TOP6BL: variants seen among roughly 807,000 people sequenced by gnomAD.
TOP6BL encodes type 2 DNA topoisomerase 6 subunit B-like.
chr11:66,801,053 A>T, the TOP6BL span: 1 of 1,613,894 alleles, frequency 6.2e-7, no homozygotes, highest in Non-Finnish European at 8.5e-7. Flanking sequence ...ACCCACTTTG[A>T]ACCTTGGGAA....
chr11:66,783,208 G>C, the TOP6BL span, among the ~76,000 whole-genome samples: 2 of 152,030 alleles, frequency 1.3e-5, no homozygotes, highest in Non-Finnish European at 2.9e-5. Flanking sequence ...TTAATATAAA[G>C]AAAAAAGATT....
chr11:66,822,610 T>C, the TOP6BL span: 1 of 1,553,126 alleles, frequency 6.4e-7, no homozygotes, highest in Non-Finnish European at 8.7e-7. Flanking sequence ...GTGAACTCCA[T>C]CATGAGTATT....
chr11:66,797,718 T>A, the TOP6BL span, among the ~76,000 whole-genome samples: 2 of 152,184 alleles, frequency 1.3e-5, no homozygotes, highest in Non-Finnish European at 2.9e-5. Flanking sequence ...TTGGCCAAGC[T>A]GATCTTGAAC....
At chr11:66,816,089 C>G in the TOP6BL span, 1 of 1,604,612 alleles carries the variant, frequency 6.2e-7, no homozygotes, top group Non-Finnish European at 8.5e-7. Context: ...CAGGTGGAAT[C>G]CAGTGAGGAG....
the TOP6BL span, chr11:66,801,049 T>C: frequency 1.9e-6 from 3 of 1,613,954 alleles, no homozygotes; most frequent in Non-Finnish European, 2.5e-6. Context: ...ATGAACCCAC[T>C]TTGAACCTTG....
chr11:66,775,229 T>A, the TOP6BL span, among the ~76,000 whole-genome samples: 5 of 152,210 alleles, frequency 3.3e-5, no homozygotes, highest in South Asian at 1.0e-3. Context: ...ATTGTTTTTG[T>A]GAGATGATAT....
chr11:66,814,080 A>T, the TOP6BL span: 2 of 1,443,770 alleles, frequency 1.4e-6, no homozygotes, highest in Admixed American at 3.7e-5. Flanking sequence ...AATGAAAGGA[A>T]ATATGAATAG....
At chr11:66,777,885 G>C in the TOP6BL span, among the ~76,000 whole-genome samples, 1 of 152,092 alleles carries the variant, frequency 6.6e-6, no homozygotes, top group Admixed American at 6.6e-5. Flanking sequence ...AAAAAAAGTT[G>C]TGTCTTGTAA....
chr11:66,800,525 T>G, the TOP6BL span: 1 of 720,284 alleles, frequency 1.4e-6, no homozygotes, highest in Middle Eastern at 4.0e-4. Flanking sequence ...CAATTAAAAG[T>G]AATGTTAATT....
the TOP6BL span, among the ~76,000 whole-genome samples, chr11:66,841,727 G>A: frequency 3.3e-5 from 5 of 152,156 alleles, no homozygotes; most frequent in African/African-American, 4.8e-5. Context: ...GGATGAGGCC[G>A]GGAGTTCAAA....
the TOP6BL span, chr11:66,803,915 C>T: frequency 8.0e-7 from 1 of 1,256,528 alleles, no homozygotes; most frequent in South Asian, 1.4e-5. Flanking sequence ...CTAGAGGTTA[C>T]AAAAATAATT....
At chr11:66,789,310 G>T in the TOP6BL span, among the ~76,000 whole-genome samples, 4 of 152,152 alleles carry the variant, frequency 2.6e-5, no homozygotes, top group Non-Finnish European at 5.9e-5. Context: ...CCAGATTTAT[G>T]AGGGTGATAA....
the TOP6BL span, chr11:66,756,373 C>T: frequency 8.4e-7 from 1 of 1,194,550 alleles, no homozygotes. Flanking sequence ...CACTCTGTTA[C>T]CCAGGCCGGA....
chr11:66,804,046 G>A, the TOP6BL span: 8 of 1,613,988 alleles, frequency 5.0e-6, no homozygotes, highest in Non-Finnish European at 5.9e-6. Flanking sequence ...TTCACCCTGT[G>A]CTAGGACATC....
At chr11:66,762,136 T>A in the TOP6BL span, 2 of 901,854 alleles carry the variant, frequency 2.2e-6, no homozygotes, top group Non-Finnish European at 3.7e-6. Flanking sequence ...GGATTTTCCT[T>A]TCCTCCTGAA....
the TOP6BL span, chr11:66,816,348 C>G: frequency 1.0e-6 from 1 of 959,050 alleles, no homozygotes; most frequent in Admixed American, 3.1e-5. Context: ...ATGAACATAT[C>G]CTATAGAAAA....
the TOP6BL span, chr11:66,744,811 T>G: frequency 8.3e-7 from 1 of 1,205,798 alleles, no homozygotes; most frequent in Non-Finnish European, 1.1e-6. Flanking sequence ...AAGCCCGGGC[T>G]GAGGAGGGGG....
chr11:66,796,249 G>A, the TOP6BL span: 6 of 1,451,120 alleles, frequency 4.1e-6, no homozygotes, highest in African/African-American at 4.2e-5. Context: ...GATTGTGTAT[G>A]TGTGGTAGGT....
the TOP6BL span, among the ~76,000 whole-genome samples, chr11:66,797,658 C>T: frequency 6.6e-6 from 1 of 152,048 alleles, no homozygotes; most frequent in Non-Finnish European, 1.5e-5. Flanking sequence ...GTGTGCACCA[C>T]CACACCTCGC....
Sources: gnomAD v4.1 joint callset for allele counts (sites outside exome capture counted in the v4.1 genomes callset) on GRCh38, gnomAD v4.1.1 for gene constraint, MANE v1.5 for transcripts, NCBI Gene and HGNC (gene_info 2026-07-23, HGNC 2026-07-21) for gene names.